The following CYP3A7 variants were observed in gnomAD, a reference collection of about 807,000 sequenced individuals.
CYP3A7 encodes cytochrome P450 family 3 subfamily A member 7, also known as cytochrome P450 3A7.
A neutral mutation model predicts 55.2 loss-of-function variants in CYP3A7; 45 were observed. The ratio of observed to expected loss-of-function variants is 0.82; its 90% confidence interval spans 0.64 to 1.05. CYP3A7 has a LOEUF of 1.05. CYP3A7 is among the 50% of genes least tolerant of loss of function. The probability of loss-of-function intolerance (pLI) is 0.00; values close to 1 mark genes in which losing one functional copy is unlikely to be tolerated. For missense variants in CYP3A7, 548 were observed against 605.3 expected (o/e 0.91, Z 0.99); for synonymous variants, 180 against 207.4 (o/e 0.87, Z 1.13).
At chr7:99,710,929 T>C in intron 9 of CYP3A7, 37 bp from the exon 10 acceptor site, 1 of 1,613,086 alleles carries the variant, frequency 6.2e-7, no homozygotes, top group East Asian at 2.2e-5. Flanking sequence ...GTAAATCAGG[T>C]CAATGTAGGG....
At position 99,706,674 on chromosome 7, in the gene CYP3A7, TA is replaced by T. The variant is rs4646466; in HGVS notation, c.1417-1080del. On this transcript the variant is annotated intron_variant, in intron 12 of 12. Transcript: ENST00000336374. ...TTTAAAAATTTTCAAAAGGCATGAA[TA>T]TATTTTCCCTGCAGACAGACATGCA... Among the ~76,000 whole-genome samples the T allele has an allele frequency of 0.012, 1,762 of 152,352 alleles. 90 individuals are homozygous for T. The East Asian group carries it at 0.18, about 15-fold the overall frequency.
At chr7:99,716,386 G>A (rs1264137843) in intron 6 of CYP3A7, among the ~76,000 whole-genome samples, 2 of 152,204 alleles carry the variant, frequency 1.3e-5, no homozygotes, top group African/African-American at 4.8e-5. Context: ...TGAGCTCCTA[G>A]AAATATCATC....
intron 8 of CYP3A7, 94 bp from the exon 9 acceptor site, chr7:99,713,629 A>G (rs1214697318): frequency 1.3e-6 from 2 of 1,564,012 alleles, no homozygotes; most frequent in African/African-American, 2.7e-5. Flanking sequence ...TTCTGAGAAT[A>G]TAGCCCCTTG....
At chr7:99,718,634 C>A (rs1328699021) in intron 4 of CYP3A7, among the ~76,000 whole-genome samples, 3 of 151,908 alleles carry the variant, frequency 2.0e-5, no homozygotes, top group Non-Finnish European at 2.9e-5. Flanking sequence ...AGGAACAATT[C>A]AAAAATTCAA....
intron 12 of CYP3A7, among the ~76,000 whole-genome samples, chr7:99,706,679 T>A (rs543069019): frequency 6.6e-6 from 1 of 152,382 alleles, no homozygotes; most frequent in African/African-American, 2.4e-5. Context: ...ATGAATATAT[T>A]TTCCCTGCAG....
intron 6 of CYP3A7, among the ~76,000 whole-genome samples, chr7:99,716,763 G>T (rs1813964466): frequency 6.6e-6 from 1 of 152,052 alleles, no homozygotes; most frequent in African/African-American, 2.4e-5. Context: ...AACATGAAAT[G>T]ATCAAAGTTA....
At chr7:99,714,752 A>G in intron 7 of CYP3A7, 70 bp from the exon 8 acceptor site, 2 of 1,582,996 alleles carry the variant, frequency 1.3e-6, no homozygotes, top group Non-Finnish European at 1.7e-6. Flanking sequence ...GAGCAATTCT[A>G]ATTTTCTCTA....
Position 99,735,061 on chromosome 7 carries a change from G to C in CYP3A7, c.33C>G (p.Thr11=), listed in dbSNP as rs1443081520. 6.2e-7 allele frequency: 1 copy of C among 1,614,116 alleles called. No homozygotes were observed. The highest frequency in any genetic ancestry group is 1.1e-5 in the South Asian group (1 of 91,084). Reference sequence around the variant, plus strand: ...TCAGGCTGACAGCCAGGAGAAGCCAGGTTTCCACGGCCAAGTTTGGGATGA... The same window carrying C: ...TCAGGCTGACAGCCAGGAGAAGCCACGTTTCCACGGCCAAGTTTGGGATGA... MDLIPNLAVE[T]WLLLAVSLIL... Residue 11 remains threonine (T), a synonymous_variant, in exon 1 of 13, where the codon ACC becomes ACG. Coordinates refer to ENST00000336374, the MANE Select transcript of CYP3A7 (RefSeq NM_000765.5).
intron 8 of CYP3A7, 68 bp downstream of exon 8, chr7:99,714,487 G>A (rs932075794): frequency 2.2e-5 from 35 of 1,594,732 alleles, no homozygotes; most frequent in East Asian, 9.1e-5. Context: ...GAAGTGCACC[G>A]ATCATATGTA....
At position 99,722,353 on chromosome 7, in the gene CYP3A7, G is replaced by A. The variant is rs1161237910; in HGVS notation, c.166-5C>T. The A allele has an allele frequency of 1.9e-6, 3 of 1,613,254 alleles. No individual in the cohort carries two copies. Among genetic ancestry groups the A allele is most frequent in the African/African-American group, 1.3e-5 (1 of 74,834 alleles). ...CATGTCAAACGTCCAATAGCCCTGG[G>A]AGGAGAAACAAAATAATATTTCATT... On this transcript the variant is annotated splice_polypyrimidine_tract_variant and splice_region_variant and intron_variant, in intron 2 of 12. Coordinates refer to ENST00000336374, the MANE Select transcript of CYP3A7 (RefSeq NM_000765.5).
At chr7:99,716,990 T>G (rs1813976801) in intron 6 of CYP3A7, among the ~76,000 whole-genome samples, 187 bp downstream of exon 6, 1 of 152,194 alleles carries the variant, frequency 6.6e-6, no homozygotes, top group African/African-American at 2.4e-5. Context: ...AGAAGATCCT[T>G]TTCCTCCAGC....
intron 10 of CYP3A7, 101 bp from the exon 11 acceptor site, chr7:99,709,362 A>G: frequency 2.0e-6 from 3 of 1,508,502 alleles, no homozygotes; most frequent in South Asian, 2.4e-5. Flanking sequence ...CCAGAGAACA[A>G]CTCATACTGG....
rs1584502103 is a variant in CYP3A7 at position 99,705,304 on chromosome 7, C to A, written c.*196G>T. On this transcript the variant is annotated 3_prime_UTR_variant, in exon 13 of 13. Coordinates refer to ENST00000336374, the MANE Select transcript of CYP3A7 (RefSeq NM_000765.5). ...TTCCCCAGCACTGATTTGGTCATCT[C>A]CTCTATATTACCAAGTATAACACTC... The A allele has an allele frequency of 1.0e-5, 6 of 598,978 alleles. No individual in the cohort carries two copies. The highest frequency in any genetic ancestry group is 3.1e-5 in the Admixed American group (1 of 32,702). The allele number at this position is 598,978 out of a possible 1,614,324, so 37.1% of individuals were successfully genotyped here.
intron 8 of CYP3A7, 46 bp from the exon 9 acceptor site, chr7:99,713,581 A>C: frequency 1.2e-6 from 2 of 1,612,196 alleles, no homozygotes; most frequent in Non-Finnish European, 1.7e-6. Flanking sequence ...TGACTCGTGA[A>C]GTCAGAAGTT....
chr7:99,723,251 G>A (rs746262692), intron 2 of CYP3A7, among the ~76,000 whole-genome samples: 16 of 152,072 alleles, frequency 1.1e-4, no homozygotes, highest in Non-Finnish European at 1.5e-5. Flanking sequence ...TTAACTGATT[G>A]ACCAACCTTA....
At position 99,705,484 on chromosome 7, in the gene CYP3A7, G is replaced by A. The variant is rs759152252; in HGVS notation, c.*16C>T. The A allele has an allele frequency of 1.9e-6, 3 of 1,612,790 alleles. No individual in the cohort carries two copies. The highest frequency in any genetic ancestry group is 4.5e-5 in the East Asian group (2 of 44,808). ...CACAGCTTTCTTAAAGAGCAAACCA[G>A]AAGTCCTTAGGGAAATCAGGCTCCA... is the stretch of plus-strand genomic sequence containing the variant. On this transcript the variant is annotated 3_prime_UTR_variant, in exon 13 of 13. Coordinates refer to ENST00000336374, the MANE Select transcript of CYP3A7 (RefSeq NM_000765.5).
chr7:99,705,104 A>G lies in CYP3A7; in HGVS notation c.*396T>C, dbSNP rs1330899096. The G allele has an allele frequency of 4.8e-6, 1 of 208,966 alleles. No individual in the cohort carries two copies. The highest frequency in any genetic ancestry group is 9.8e-6 in the Non-Finnish European group (1 of 101,608). The allele number at this position is 208,966 out of a possible 1,614,324, so 12.9% of individuals were successfully genotyped here. The stretch of plus-strand genomic sequence containing the variant: ...CTTACTATAGAATACTACAGATATA[A>G]CACATGATATAAATGTCACTGTTAG... On this transcript the variant is annotated 3_prime_UTR_variant, in exon 13 of 13. Transcript: ENST00000336374.
chr7:99,712,164 C>T lies in CYP3A7; in HGVS notation c.866-1272G>A, dbSNP rs554259819. On this transcript the variant is annotated intron_variant, in intron 9 of 12. Transcript: ENST00000336374. ...GGACTGGATTAGGACATTTAGAGAC[C>T]GGGAACACAGAAATAAATATAGTGC... is the stretch of plus-strand genomic sequence containing the variant. 5.3e-5 allele frequency among the ~76,000 whole-genome samples: 8 copies of T among 152,124 alleles called. 1 individual carries two copies. The South Asian group carries it at 1.0e-3, about 20-fold the overall frequency.
chr7:99,735,163 G>T lies in CYP3A7; in HGVS notation c.-70C>A, dbSNP rs1315253574. The T allele has an allele frequency of 5.0e-6, 8 of 1,595,008 alleles. No individual in the cohort carries two copies. The African/African-American group carries it at 1.1e-4, about 21-fold the overall frequency. On this transcript the variant is annotated 5_prime_UTR_variant, in exon 1 of 13. Transcript: ENST00000336374. ...GCAGCGTGCTGCTGTTTGCTGGGCT[G>T]TGTGTGTGGAGCTTTCCTGCCCTGC...
Sources: allele counts gnomAD v4.1 joint callset (sites outside exome capture counted in the v4.1 genomes callset), GRCh38; gene constraint gnomAD v4.1.1; transcripts MANE v1.5; gene names NCBI Gene and HGNC (gene_info 2026-07-23, HGNC 2026-07-21).